Variants in TUFT1 observed in about 807,000 individuals in gnomAD.
TUFT1 encodes the protein tuftelin 1.
In TUFT1, 43 loss-of-function variants were observed where a neutral mutation model predicts 57.8. The ratio of observed to expected loss-of-function variants is 0.74; its 90% CI spans 0.58 to 0.96. The LOEUF (loss-of-function observed/expected upper bound fraction) is 0.96, where lower values mean the gene tolerates loss of function less well. Among genes scored for constraint, TUFT1 ranks in the 40% least tolerant of loss-of-function variants. The pLI is 0.00. For missense variants in TUFT1, 459 were observed against 489.0 expected, an observed-to-expected ratio of 0.94 and a Z score of 0.58; for synonymous variants, 166 against 176.7, an observed-to-expected ratio of 0.94 and a Z score of 0.48.
chr1:151,564,667 C>A, intron 5 of TUFT1, 53 bp downstream of exon 5: 1 of 1,457,832 alleles, frequency 6.9e-7, no homozygotes, highest in South Asian at 1.2e-5. Flanking sequence ...GGGGTTGTGC[C>A]AGGCAGTCTC....
intron 1 of TUFT1, among the ~76,000 whole-genome samples, chr1:151,560,555 A>G (rs1665850979): frequency 6.6e-6 from 1 of 152,190 alleles, no homozygotes; most frequent in Non-Finnish European, 1.5e-5. Context: ...TTGGAAGGTT[A>G]AGAGGGTTCC....
intron 12 of TUFT1, 64 bp downstream of exon 12, chr1:151,581,106 G>A: frequency 6.8e-7 from 1 of 1,463,896 alleles, no homozygotes; most frequent in Non-Finnish European, 9.5e-7. Flanking sequence ...ACAGAGCTCT[G>A]TAGAACCTTT....
At chr1:151,545,610 A>T (rs747960465) in intron 1 of TUFT1, among the ~76,000 whole-genome samples, 7 of 152,214 alleles carry the variant, frequency 4.6e-5, no homozygotes, top group Non-Finnish European at 1.0e-4. Flanking sequence ...ACCTCCTATA[A>T]GCAACCAGCC....
intron 1 of TUFT1, among the ~76,000 whole-genome samples, chr1:151,554,201 T>C (rs1665599134): frequency 6.6e-6 from 1 of 152,232 alleles, no homozygotes; most frequent in Non-Finnish European, 1.5e-5. Flanking sequence ...GGTACAATGC[T>C]GTTAACAAAG....
chr1:151,580,993 C>A lies in TUFT1; in HGVS notation c.1060C>A (p.His354Asn), dbSNP rs761044788. ...MEHLIEKQIS[H>N]GNFSTQARAK... is the part of the protein sequence containing the mutation. ...ACACCTGATAGAAAAACAAATCAGT[C>A]ATGGCAACTTCAGCACCCAGGCCCG... The change falls in exon 12 of 13, where the codon CAT becomes AAT. Residue 354 changes from histidine to asparagine, a missense_variant. Physicochemically the swap from His to Asn is moderately conservative, Grantham distance 68. Coordinates refer to ENST00000368849, the MANE Select transcript of TUFT1 (RefSeq NM_020127.3). 6.2e-7 allele frequency: 1 copy of A among 1,614,138 alleles called. No individual in the cohort carries two copies. The highest frequency in any genetic ancestry group is 1.1e-5 in the South Asian group (1 of 91,060).
chr1:151,544,979 G>A (rs558615900), intron 1 of TUFT1, among the ~76,000 whole-genome samples: 23 of 152,148 alleles, frequency 1.5e-4, no homozygotes, highest in Admixed American at 2.6e-4. Flanking sequence ...TTTTGGTAAT[G>A]TAATAAACTA....
chr1:151,557,846 G>C (rs1665760135), intron 1 of TUFT1: 1 of 744,756 alleles, frequency 1.3e-6, no homozygotes, highest in East Asian at 2.5e-5. Context: ...GTGCCGCCTG[G>C]TGCCGACAGC....
chr1:151,548,072 C>G lies in TUFT1; in HGVS notation c.60+7646C>G, dbSNP rs1026209681. Among the ~76,000 whole-genome samples the G allele has an allele frequency of 8.5e-5, 13 of 152,160 alleles. 1 individual carries two copies. The highest frequency in any genetic ancestry group is 5.2e-4 in the Admixed American group (8 of 15,280). On this transcript the variant is annotated intron_variant, in intron 1 of 12. Coordinates refer to ENST00000368849, the MANE Select transcript of TUFT1 (RefSeq NM_020127.3). ...GAGTGATTCTTTGTGTCATACTCCA[C>G]AAAGGGCCATCTCTGGCCTAGGCAG...
At chr1:151,564,686 A>G (rs1053113805) in intron 5 of TUFT1, 72 bp downstream of exon 5, 15 of 1,269,276 alleles carry the variant, frequency 1.2e-5, no homozygotes, top group South Asian at 3.7e-5. Flanking sequence ...TCATTTACCA[A>G]TTACCCAGTG....
Position 151,574,415 on chromosome 1 carries a change from G to C in TUFT1, c.723+17G>C, listed in dbSNP as rs371214220. The C allele has an allele frequency of 4.2e-5, 68 of 1,613,462 alleles. No homozygotes were observed. Among genetic ancestry groups the C allele is most frequent in the Non-Finnish European group, 3.1e-5 (37 of 1,179,810 alleles). On this transcript the variant is annotated intron_variant, in intron 8 of 12. Coordinates refer to ENST00000368849, the MANE Select transcript of TUFT1 (RefSeq NM_020127.3). Reference sequence around the variant, plus strand: ...ATGGAGACGGTAACCGGGGGATCTTGCTTGTCAGTGCCTGGACTCCTGGGC... The same window carrying C: ...ATGGAGACGGTAACCGGGGGATCTTCCTTGTCAGTGCCTGGACTCCTGGGC...
intron 1 of TUFT1, among the ~76,000 whole-genome samples, chr1:151,541,066 C>T (rs145717948): frequency 2.6e-5 from 4 of 152,290 alleles, no homozygotes; most frequent in African/African-American, 4.8e-5. Context: ...CTCCTTCTTC[C>T]CCCTTGTAGT....
Position 151,580,980 on chromosome 1 carries a change from AAAAC to A in TUFT1, c.1051_1054del (p.Gln351SerfsTer71). On this transcript the variant is annotated frameshift_variant, in exon 12 of 13. Transcript: ENST00000368849. LOFTEE classifies it high-confidence loss of function. ...ATGACCGGATGGAACACCTGATAGA[AAAAC>A]AAATCAGTCATGGCAACTTCAGCAC... The A allele has an allele frequency of 6.2e-7, 1 of 1,614,238 alleles. No homozygotes were observed. Among genetic ancestry groups the A allele is most frequent in the Non-Finnish European group, 8.5e-7 (1 of 1,180,046 alleles).
intron 4 of TUFT1, among the ~76,000 whole-genome samples, chr1:151,564,195 G>A (rs1665990710): frequency 1.3e-5 from 2 of 151,914 alleles, no homozygotes; most frequent in South Asian, 4.2e-4. Context: ...AGTACTATGG[G>A]CCCAGCACTG....
At chr1:151,580,547 A>T (rs746818861) in intron 11 of TUFT1, among the ~76,000 whole-genome samples, 14 of 151,378 alleles carry the variant, frequency 9.2e-5, no homozygotes, top group Non-Finnish European at 2.1e-4. Flanking sequence ...TCTGTAGTCC[A>T]GTTACTTGGG....
In TUFT1 at chr1:151,566,273, A is replaced by G. The variant is rs1220035361; in HGVS notation, c.480+45A>G. ...ATGGTGGCTCCGCTTAGCCAGGGGC[A>G]GGATTGCCTCCTCCCCATCCTTTTG... On this transcript the variant is annotated intron_variant, in intron 6 of 12. Coordinates refer to ENST00000368849, the MANE Select transcript of TUFT1 (RefSeq NM_020127.3). 2.6e-6 allele frequency: 4 copies of G among 1,518,642 alleles called. No individual in the cohort carries two copies. In the South Asian group the frequency reaches 4.6e-5, roughly 18 times the overall value. 94.1% of individuals were successfully genotyped at this position (1,518,642 alleles called of 1,614,324 possible).
At chr1:151,561,532 G>A in intron 1 of TUFT1, 1 of 979,194 alleles carries the variant, frequency 1.0e-6, no homozygotes, top group Non-Finnish European at 1.2e-6. Flanking sequence ...AAGAAAACCT[G>A]CTTCATTCTT....
At chr1:151,573,937 C>T (rs1558013882) in intron 7 of TUFT1, among the ~76,000 whole-genome samples, 1 of 152,134 alleles carries the variant, frequency 6.6e-6, no homozygotes, top group Non-Finnish European at 1.5e-5. Context: ...AGGAAAGCCA[C>T]AACATTGGGT....
chr1:151,579,585 A>G, intron 10 of TUFT1, 64 bp from the exon 11 acceptor site: 1 of 1,554,712 alleles, frequency 6.4e-7, no homozygotes, highest in Non-Finnish European at 8.8e-7. Context: ...AGCTGGGGTG[A>G]AGTCTGGTGA....
chr1:151,566,067 C>T (rs1325521336), intron 5 of TUFT1, 96 bp from the exon 6 acceptor site: 3 of 395,204 alleles, frequency 7.6e-6, no homozygotes, highest in Admixed American at 3.0e-5. Context: ...CTCTCCCTGT[C>T]CTTCTCTTTC....
Sources: allele counts gnomAD v4.1 joint callset (sites outside exome capture counted in the v4.1 genomes callset), GRCh38; gene constraint gnomAD v4.1.1; transcripts MANE v1.5; gene names NCBI Gene and HGNC (gene_info 2026-07-23, HGNC 2026-07-21).